The following ZMIZ1 variants were observed in gnomAD, a reference collection of about 807,000 sequenced individuals.
ZMIZ1 encodes zinc finger MIZ-type containing 1.
Under a neutral mutation model 113.9 loss-of-function variants are expected in ZMIZ1, and 17 were observed. The ratio of observed to expected loss-of-function variants is 0.15; its 90% CI spans 0.10 to 0.22. The LOEUF (loss-of-function observed/expected upper bound fraction) is 0.22, where lower values mean the gene tolerates loss of function less well. ZMIZ1 is among the 10% of genes least tolerant of loss of function. The pLI, the probability that ZMIZ1 is intolerant of heterozygous loss-of-function variation, is 1.00. For synonymous variants in ZMIZ1, 607 were observed against 603.1 expected (o/e 1.01, Z -0.09); for missense variants, 1,059 against 1,477.8 (o/e 0.72, Z 4.65).
chr10:79,197,770 T>C (rs1847904749), intron 4 of ZMIZ1, among the ~76,000 whole-genome samples: 1 of 152,004 alleles, frequency 6.6e-6, no homozygotes, highest in Non-Finnish European at 1.5e-5. Flanking sequence ...ATCTGTAAAA[T>C]GGGGATGTAA....
At chr10:79,310,187 G>C (rs879679946) in intron 23 of ZMIZ1, among the ~76,000 whole-genome samples, 1 of 152,182 alleles carries the variant, frequency 6.6e-6, no homozygotes, top group Admixed American at 6.5e-5. Context: ...AGAGGTGCCT[G>C]CCTCCCTCAC....
chr10:79,131,050 C>G (rs1376834932), intron 2 of ZMIZ1, among the ~76,000 whole-genome samples: 1 of 152,212 alleles, frequency 6.6e-6, no homozygotes, highest in African/African-American at 2.4e-5. Context: ...GCATTCTTGC[C>G]TAATCCACCC....
At chr10:79,159,052 G>A (rs1164077468) in intron 3 of ZMIZ1, among the ~76,000 whole-genome samples, 1 of 152,250 alleles carries the variant, frequency 6.6e-6, no homozygotes, top group Non-Finnish European at 1.5e-5. Flanking sequence ...AGAGTGCTGT[G>A]CTGAGGGTGC....
At chr10:79,205,802 T>C (rs1328942932) in intron 5 of ZMIZ1, among the ~76,000 whole-genome samples, 1 of 152,106 alleles carries the variant, frequency 6.6e-6, no homozygotes, top group Admixed American at 6.5e-5. Flanking sequence ...GGGAGGGGGC[T>C]TGACCAAGGC....
At chr10:79,178,253 A>C (rs1846954084) in intron 4 of ZMIZ1, among the ~76,000 whole-genome samples, 1 of 152,212 alleles carries the variant, frequency 6.6e-6, no homozygotes, top group Non-Finnish European at 1.5e-5. Flanking sequence ...AATGGGCCCC[A>C]TTCGAGTGCT....
intron 7 of ZMIZ1, among the ~76,000 whole-genome samples, chr10:79,220,875 T>A: frequency 6.6e-6 from 1 of 152,138 alleles, no homozygotes; most frequent in Non-Finnish European, 1.5e-5. Context: ...GCTGTGCACA[T>A]GTGTGTATCT....
At chr10:79,302,073 G>T in intron 17 of ZMIZ1, 34 bp from the exon 18 acceptor site, 1 of 1,606,494 alleles carries the variant, frequency 6.2e-7, no homozygotes. Context: ...TGGGGACAGT[G>T]CACAGGAACT....
In ZMIZ1 at chr10:79,308,877, T is replaced by C. The variant is rs75157809; in HGVS notation, c.2835+1306T>C. 1.1e-4 allele frequency among the ~76,000 whole-genome samples: 17 copies of C among 152,236 alleles called. No individual in the cohort carries two copies. In the East Asian group the frequency reaches 3.3e-3, roughly 29 times the overall value. On this transcript the variant is annotated intron_variant, in intron 23 of 24. Transcript: ENST00000334512. The stretch of plus-strand genomic sequence containing the variant: ...GATGCCGTCTATTTCCCCTTGACAA[T>C]CAAGCTTTCTCCTGCCTTCTGTGAG...
intron 4 of ZMIZ1, among the ~76,000 whole-genome samples, chr10:79,192,467 T>A (rs991763673): frequency 6.6e-6 from 1 of 152,172 alleles, no homozygotes; most frequent in Non-Finnish European, 1.5e-5. Context: ...GTTGGGAGAT[T>A]GGATCATGAA....
intron 12 of ZMIZ1, chr10:79,294,511 A>C (rs1045218156): frequency 6.6e-6 from 1 of 152,266 alleles, no homozygotes; most frequent in African/African-American, 2.4e-5. Flanking sequence ...AGAACTCAAT[A>C]TGAGTCAGAG....
intron 2 of ZMIZ1, among the ~76,000 whole-genome samples, chr10:79,125,486 A>C (rs1844475012): frequency 6.6e-6 from 1 of 152,174 alleles, no homozygotes; most frequent in South Asian, 2.1e-4. Context: ...GGTTGTAAAG[A>C]GTTTCCTGGG....
At chr10:79,140,094 C>A (rs1845193794) in intron 3 of ZMIZ1, among the ~76,000 whole-genome samples, 1 of 152,188 alleles carries the variant, frequency 6.6e-6, no homozygotes, top group Non-Finnish European at 1.5e-5. Context: ...ATCTTAGCAG[C>A]CTGGCTCAGT....
At chr10:79,194,984 A>G (rs1236973319) in intron 4 of ZMIZ1, among the ~76,000 whole-genome samples, 1 of 152,222 alleles carries the variant, frequency 6.6e-6, no homozygotes, top group Non-Finnish European at 1.5e-5. Context: ...AAGCCCAGCC[A>G]AGCGTAAGGT....
intron 6 of ZMIZ1, 21 bp from the exon 7 acceptor site, chr10:79,216,148 C>T (rs1163821354): frequency 6.8e-7 from 1 of 1,466,186 alleles, no homozygotes; most frequent in African/African-American, 1.4e-5. Flanking sequence ...CTCACCTGCC[C>T]TCCTCCCCTC....
rs1854682903 is a variant in ZMIZ1, at chr10:79,306,226, C to T, written c.2550C>T (p.Pro850=). The change falls in exon 22 of 25, where the codon CCC becomes CCT. Residue 850 remains proline, a synonymous_variant. Coordinates refer to ENST00000334512, the MANE Select transcript of ZMIZ1 (RefSeq NM_020338.4). ...CCAAGCGGTTCAAGACCATGAGTCCCAGCCAGATGATCATGCCCAATGTCA... is the reference window on the plus strand; with the variant it reads ...CCAAGCGGTTCAAGACCATGAGTCCTAGCCAGATGATCATGCCCAATGTCA... ...IPSKRFKTMS[P]SQMIMPNVME... 6.2e-7 allele frequency: 1 copy of T among 1,614,198 alleles called. No homozygotes were observed. The highest frequency in any genetic ancestry group is 1.3e-5 in the African/African-American group (1 of 75,074).
intron 7 of ZMIZ1, among the ~76,000 whole-genome samples, chr10:79,247,168 C>T (rs995094488): frequency 2.0e-5 from 3 of 152,092 alleles, no homozygotes; most frequent in Non-Finnish European, 2.9e-5. Flanking sequence ...CAGGGACCCC[C>T]GCACACCAGA....
At chr10:79,195,129 C>T (rs1261631288) in intron 4 of ZMIZ1, among the ~76,000 whole-genome samples, 1 of 152,234 alleles carries the variant, frequency 6.6e-6, no homozygotes, top group Non-Finnish European at 1.5e-5. Context: ...GCTTCAAAAG[C>T]AGGCATTCTC....
chr10:79,222,836 G>A (rs771554930), intron 7 of ZMIZ1, among the ~76,000 whole-genome samples: 2 of 152,188 alleles, frequency 1.3e-5, no homozygotes, highest in Non-Finnish European at 2.9e-5. Context: ...CCTGGAGAGT[G>A]CTCCAGCCTT....
chr10:79,220,013 A>C lies in ZMIZ1; in HGVS notation c.280+3739A>C, dbSNP rs567152414. Among the ~76,000 whole-genome samples, 5 of 152,240 alleles carry C rather than the reference A, an allele frequency of 3.3e-5. No homozygotes were observed. The South Asian group carries it at 6.2e-4, about 19-fold the overall frequency. ...GGCGGTTTTATTTGAGGGGTGAAGG[A>C]CCTGCCAGGAGCAGGCTGGGCCATA... On this transcript the variant is annotated intron_variant, in intron 7 of 24. Transcript: ENST00000334512.
Sources: allele counts gnomAD v4.1 joint callset (sites outside exome capture counted in the v4.1 genomes callset), GRCh38; gene constraint gnomAD v4.1.1; transcripts MANE v1.5; gene names NCBI Gene and HGNC (gene_info 2026-07-23, HGNC 2026-07-21).